CACNG2: variants seen among roughly 807,000 people sequenced by gnomAD.
CACNG2 encodes the protein calcium voltage-gated channel auxiliary subunit gamma 2.
CACNG2 carries 3 observed loss-of-function variants against 25.9 expected under a neutral mutation model. The observed-to-expected ratio is 0.12, with a 90% CI of 0.05 to 0.30. CACNG2 has a LOEUF of 0.30. CACNG2 is among the 10% of genes least tolerant of loss of function. CACNG2 has a pLI of 1.00. For synonymous variants in CACNG2, 167 were observed against 173.3 expected (o/e 0.96, Z 0.29); for missense variants, 341 against 432.5 (o/e 0.79, Z 1.88).
intron 1 of CACNG2, among the ~76,000 whole-genome samples, chr22:36,594,870 TTGTG>T (rs1935653288): frequency 8.0e-6 from 1 of 124,706 alleles, no homozygotes; most frequent in Non-Finnish European, 1.7e-5. Flanking sequence ...GCATGGGTGT[TTGTG>T]TGTCTGTGCC....
intron 1 of CACNG2, among the ~76,000 whole-genome samples, chr22:36,682,118 T>C (rs544000356): frequency 6.6e-6 from 1 of 152,216 alleles, no homozygotes; most frequent in Non-Finnish European, 1.5e-5. Flanking sequence ...GCAGGAATGC[T>C]ACGAGACAGC....
In CACNG2 at chr22:36,561,881, A is replaced by G. The variant is rs909360404; in HGVS notation, c.*2470T>C. 2.0e-5 allele frequency: 3 copies of G among 152,212 alleles called. No homozygotes were observed. The highest frequency in any genetic ancestry group is 6.5e-5 in the Admixed American group (1 of 15,268). 9.4% of individuals were successfully genotyped at this position (152,212 alleles called of 1,614,324 possible). A position where few individuals can be genotyped will look rare whatever the true frequency, so the allele number is the denominator to read the frequency against. On this transcript the variant is annotated 3_prime_UTR_variant, in exon 4 of 4. Coordinates refer to ENST00000300105, the MANE Select transcript of CACNG2 (RefSeq NM_006078.5). ...TTTAACTTTTGGGGTTGGTCCTTACACTGGGATGGAACTGCTAAAATTTTC... is the reference window on the plus strand; with the variant it reads ...TTTAACTTTTGGGGTTGGTCCTTACGCTGGGATGGAACTGCTAAAATTTTC...
At chr22:36,681,188 G>A (rs1283703340) in intron 1 of CACNG2, among the ~76,000 whole-genome samples, 1 of 151,862 alleles carries the variant, frequency 6.6e-6, no homozygotes, top group African/African-American at 2.4e-5. Context: ...TTCCCTTTTA[G>A]TTTGTCTTCA....
chr22:36,626,919 T>C (rs527843531), intron 1 of CACNG2, among the ~76,000 whole-genome samples: 13 of 152,262 alleles, frequency 8.5e-5, no homozygotes, highest in Admixed American at 2.0e-4. Context: ...CATTTAATCA[T>C]GGTATAATCC....
At chr22:36,652,444 T>G (rs1310543989) in intron 1 of CACNG2, among the ~76,000 whole-genome samples, 1 of 152,140 alleles carries the variant, frequency 6.6e-6, no homozygotes, top group Non-Finnish European at 1.5e-5. Context: ...ATGTTTTCTG[T>G]TTTTCACATG....
intron 1 of CACNG2, among the ~76,000 whole-genome samples, chr22:36,622,684 C>A (rs965260344): frequency 2.0e-5 from 3 of 152,038 alleles, no homozygotes; most frequent in Admixed American, 1.3e-4. Flanking sequence ...AAGGGCTGGG[C>A]GCGGTGGCTC....
chr22:36,654,859 T>C (rs1417863055), intron 1 of CACNG2, among the ~76,000 whole-genome samples: 5 of 152,186 alleles, frequency 3.3e-5, no homozygotes, highest in African/African-American at 1.2e-4. Context: ...TGGGACGTAT[T>C]CTTGCTGTTC....
intron 1 of CACNG2, among the ~76,000 whole-genome samples, chr22:36,632,116 C>G (rs973090830): frequency 1.5e-4 from 23 of 152,058 alleles, no homozygotes; most frequent in African/African-American, 4.3e-4. Context: ...AGGAGAGATG[C>G]TAATCATTAG....
chr22:36,579,954 G>A (rs981724751), intron 2 of CACNG2, among the ~76,000 whole-genome samples: 4 of 152,198 alleles, frequency 2.6e-5, no homozygotes, highest in South Asian at 2.1e-4. Flanking sequence ...TGCGCTCATC[G>A]CTATGCAATG....
chr22:36,582,808 A>G (rs1935441466), intron 2 of CACNG2, among the ~76,000 whole-genome samples: 2 of 151,638 alleles, frequency 1.3e-5, no homozygotes, highest in South Asian at 2.1e-4. Flanking sequence ...AACATGTTAT[A>G]TCATTCACCT....
intron 1 of CACNG2, among the ~76,000 whole-genome samples, chr22:36,647,668 C>A (rs1039153588): frequency 6.6e-6 from 1 of 152,156 alleles, no homozygotes; most frequent in Non-Finnish European, 1.5e-5. Context: ...TCTTCCTGGT[C>A]CTTCATTATC....
chr22:36,624,920 T>C (rs1298419790), intron 1 of CACNG2, among the ~76,000 whole-genome samples: 1 of 149,372 alleles, frequency 6.7e-6, no homozygotes, highest in Non-Finnish European at 1.5e-5. Context: ...TCCAGCTACT[T>C]GGGAGGCTGA....
chr22:36,660,953 G>A (rs952185337), intron 1 of CACNG2, among the ~76,000 whole-genome samples: 33 of 152,244 alleles, frequency 2.2e-4, no homozygotes, highest in African/African-American at 7.0e-4. Flanking sequence ...ATGAGATACA[G>A]TGGCAGTACC....
intron 1 of CACNG2, among the ~76,000 whole-genome samples, chr22:36,626,178 C>G (rs1173829007): frequency 6.6e-6 from 1 of 152,214 alleles, no homozygotes; most frequent in East Asian, 1.9e-4. Context: ...CCTGGGCCTC[C>G]CAAAGTGCTG....
chr22:36,579,748 C>T (rs187435915), intron 2 of CACNG2, among the ~76,000 whole-genome samples: 198 of 152,340 alleles, frequency 1.3e-3, no homozygotes, highest in African/African-American at 4.3e-3. Flanking sequence ...AACCTGCCAG[C>T]TTCAGATGCT....
intron 1 of CACNG2, among the ~76,000 whole-genome samples, chr22:36,688,094 C>A (rs76497126): frequency 0.017 from 2,660 of 152,192 alleles, 40 homozygotes; most frequent in Middle Eastern, 0.034. Flanking sequence ...TCCTAACACC[C>A]ATGTTACAGA....
At chr22:36,593,455 C>T (rs776315092) in intron 1 of CACNG2, among the ~76,000 whole-genome samples, 3 of 151,994 alleles carry the variant, frequency 2.0e-5, no homozygotes, top group Admixed American at 1.3e-4. Flanking sequence ...GGAAATGGAC[C>T]GGAAATGTCG....
chr22:36,663,996 A>G (rs1936837932), intron 1 of CACNG2, among the ~76,000 whole-genome samples: 1 of 152,156 alleles, frequency 6.6e-6, no homozygotes, highest in Non-Finnish European at 1.5e-5. Context: ...ACCAATAATG[A>G]GCACCTTTGT....
chr22:36,622,632 T>C (rs1371429773), intron 1 of CACNG2, among the ~76,000 whole-genome samples: 1 of 152,196 alleles, frequency 6.6e-6, no homozygotes, highest in Non-Finnish European at 1.5e-5. Flanking sequence ...TCCTGTTACA[T>C]GCCAGCCATG....
Sources: gnomAD v4.1 joint callset for allele counts (sites outside exome capture counted in the v4.1 genomes callset) on GRCh38, gnomAD v4.1.1 for gene constraint, MANE v1.5 for transcripts, NCBI Gene and HGNC (gene_info 2026-07-23, HGNC 2026-07-21) for gene names.